The following HYLS1 variants were observed in gnomAD, a reference collection of about 807,000 sequenced individuals.
The protein encoded by HYLS1 is HYLS1 centriolar and ciliogenesis associated.
Under a neutral mutation model 29.4 loss-of-function variants are expected in HYLS1, and 25 were observed. The ratio of observed to expected loss-of-function variants is 0.85; its 90% CI spans 0.62 to 1.19. The LOEUF (loss-of-function observed/expected upper bound fraction) is 1.19, where lower values mean the gene tolerates loss of function less well. HYLS1 is among the 50% of genes most tolerant of loss of function. HYLS1 has a pLI of 0.00. For missense variants in HYLS1, 352 were observed against 365.1 expected, an observed-to-expected ratio of 0.96 and a Z score of 0.29; for synonymous variants, 128 against 126.7, an observed-to-expected ratio of 1.01 and a Z score of -0.07.
At chr11:125,885,735 T>C (rs1390742521), upstream of HYLS1, among the ~76,000 whole-genome samples, 1 of 152,240 alleles carries the variant, frequency 6.6e-6, no homozygotes, top group Non-Finnish European at 1.5e-5. Flanking sequence ...GGGTAAGCCG[T>C]AGGAGCTTCA....
At chr11:125,884,406 G>T (rs985222643), upstream of HYLS1, among the ~76,000 whole-genome samples, 1 of 149,734 alleles carries the variant, frequency 6.7e-6, no homozygotes, top group Non-Finnish European at 1.5e-5. Flanking sequence ...TCAGGAGATC[G>T]AGACCATCCT....
chr11:125,900,329 T>A lies in HYLS1; in HGVS notation c.*61T>A, dbSNP rs1565458252. ...TAACCTAGCTCTTTATATCTTCCCT[T>A]TTAAATAGAAACAACTGTCTTGAGA... On this transcript the variant is annotated 3_prime_UTR_variant, in exon 3 of 3. Transcript: ENST00000425380. 5 of 1,503,568 alleles carry A rather than the reference T, an allele frequency of 3.3e-6. No homozygotes were observed. Among genetic ancestry groups the A allele is most frequent in the Non-Finnish European group, 4.6e-6 (5 of 1,082,028 alleles). 93.1% of individuals were successfully genotyped at this position (1,503,568 alleles called of 1,614,324 possible). A position where few individuals can be genotyped will look rare whatever the true frequency, so the allele number is the denominator to read the frequency against.
intron 1 of HYLS1, among the ~76,000 whole-genome samples, chr11:125,888,775 A>G (rs1410429580): frequency 8.3e-6 from 1 of 120,730 alleles, no homozygotes; most frequent in African/African-American, 2.8e-5. Flanking sequence ...GTCTCAAAAA[A>G]AAAAAAAAAA....
intron 1 of HYLS1, among the ~76,000 whole-genome samples, chr11:125,890,525 T>C (rs1428422765): frequency 1.3e-5 from 2 of 152,242 alleles, no homozygotes; most frequent in Non-Finnish European, 2.9e-5. Flanking sequence ...ATAGCCTCCC[T>C]ATAGCAGTCT....
intron 2 of HYLS1, among the ~76,000 whole-genome samples, chr11:125,897,753 T>G (rs556994796): frequency 1.3e-5 from 2 of 152,230 alleles, no homozygotes; most frequent in Non-Finnish European, 2.9e-5. Context: ...GCTCTATTAA[T>G]GTATGGTCAG....
At chr11:125,891,901 C>T (rs1321916752) in intron 2 of HYLS1, among the ~76,000 whole-genome samples, 1 of 152,168 alleles carries the variant, frequency 6.6e-6, no homozygotes, top group African/African-American at 2.4e-5. Context: ...GTCCACCCCC[C>T]TTCTGTAGCA....
chr11:125,899,169 C>A, intron 2 of HYLS1, 175 bp from the exon 3 acceptor site: 1 of 582,186 alleles, frequency 1.7e-6, no homozygotes, highest in Non-Finnish European at 3.0e-6. Context: ...GTAATAGATT[C>A]CCTAGAACTG....
chr11:125,896,125 C>T lies in HYLS1; in HGVS notation c.-25-3219C>T, dbSNP rs757888463. ...CGGCCATGAGCACTGAAATCAAATG[C>T]ACGCTTAGTTTTTCCAGCTCCTGCT... On this transcript the variant is annotated intron_variant, in intron 2 of 2. Transcript: ENST00000425380. 4.3e-6 allele frequency: 7 copies of T among 1,614,198 alleles called. No homozygotes were observed. In the South Asian group the frequency reaches 7.7e-5, roughly 18 times the overall value.
At chr11:125,892,998 T>C (rs753857092) in intron 2 of HYLS1, among the ~76,000 whole-genome samples, 10 of 152,242 alleles carry the variant, frequency 6.6e-5, no homozygotes, top group Non-Finnish European at 1.3e-4. Flanking sequence ...ATCTTCTGAC[T>C]TAGACACATT....
At chr11:125,895,185 C>T (rs1192792849) in intron 2 of HYLS1, 1 of 1,497,500 alleles carries the variant, frequency 6.7e-7, no homozygotes, top group Non-Finnish European at 8.9e-7. Flanking sequence ...GTAGCTGGGA[C>T]TACAGGCATG....
chr11:125,888,576 C>T (rs1388168155), intron 1 of HYLS1, among the ~76,000 whole-genome samples: 1 of 151,698 alleles, frequency 6.6e-6, no homozygotes, highest in Non-Finnish European at 1.5e-5. Context: ...CGAGACCAGC[C>T]CGACCAATAC....
At chr11:125,886,601 T>TTTTTTTTA (rs1944309008), upstream of HYLS1, among the ~76,000 whole-genome samples, 1 of 108,622 alleles carries the variant, frequency 9.2e-6, no homozygotes, top group African/African-American at 3.6e-5. Flanking sequence ...TTTTTTTTTT[T>TTTTTTTTA]ACAGGTACAG....
chr11:125,885,382 T>G (rs907210199), upstream of HYLS1, among the ~76,000 whole-genome samples: 8 of 151,720 alleles, frequency 5.3e-5, no homozygotes, highest in Non-Finnish European at 1.0e-4. Flanking sequence ...ACCTGGGAGG[T>G]GGAGGTTGCA....
Position 125,899,923 on chromosome 11 carries a change from C to G in HYLS1, c.555C>G (p.Asp185Glu). 1 of 1,614,174 alleles carries G rather than the reference C, an allele frequency of 6.2e-7. No individual in the cohort carries two copies. Among genetic ancestry groups the G allele is most frequent in the Non-Finnish European group, 8.5e-7 (1 of 1,180,028 alleles). ...TGGGCTCTCCAGCTTACGAACAAGA[C>G]CTGATTGTTGCCAGCAGACCCAAGT... ...EGMGSPAYEQ[D>E]LIVASRPKSF... Residue 185 changes from aspartate to glutamate, a missense_variant, in exon 3 of 3, where the codon GAC (aspartate) becomes GAG (glutamate). Asp to Glu is a conservative substitution (Grantham distance 45). Coordinates refer to ENST00000425380, the MANE Select transcript of HYLS1 (RefSeq NM_001134793.2).
upstream of HYLS1, among the ~76,000 whole-genome samples, chr11:125,884,402 G>A (rs1242682317): frequency 1.3e-5 from 2 of 151,948 alleles, no homozygotes; most frequent in East Asian, 1.9e-4. Flanking sequence ...AAGGTCAGGA[G>A]ATCGAGACCA....
chr11:125,896,411 A>G, intron 2 of HYLS1: 1 of 959,092 alleles, frequency 1.0e-6, no homozygotes, highest in Non-Finnish European at 1.5e-6. Flanking sequence ...GATTTAATTT[A>G]ATGCCCAAAG....
Position 125,895,427 on chromosome 11 carries a change from C to G in HYLS1, c.-25-3917C>G, listed in dbSNP as rs1374981103. ...CCTCACCTGGGCTCTGGCCCACTAG[C>G]TGTACTTGAGCAGATAGAATAGTCC... On this transcript the variant is annotated intron_variant, in intron 2 of 2. Transcript: ENST00000425380. 1.9e-6 allele frequency: 3 copies of G among 1,613,988 alleles called. No homozygotes were observed. Among genetic ancestry groups the G allele is most frequent in the Middle Eastern group, 3.3e-4 (2 of 6,062 alleles).
In HYLS1 at chr11:125,895,353, T is replaced by C. The variant is rs769994818; in HGVS notation, c.-26+3881T>C. On this transcript the variant is annotated intron_variant, in intron 2 of 2. Transcript: ENST00000425380. Reference sequence around the variant, plus strand: ...TCGGACTTGATGATAAAGGAATGCCTGGCCAGTCACTTCAAACTGACATAA... The same window carrying C: ...TCGGACTTGATGATAAAGGAATGCCCGGCCAGTCACTTCAAACTGACATAA... 1.3e-5 allele frequency: 21 copies of C among 1,614,118 alleles called. No homozygotes were observed. In the Admixed American group the frequency reaches 2.7e-4, roughly 20 times the overall value.
At chr11:125,896,021 G>A (rs1397338966) in intron 2 of HYLS1, 1 of 1,614,132 alleles carries the variant, frequency 6.2e-7, no homozygotes. Context: ...TCTCTTCAAT[G>A]GTATTATTTG....
Sources: gnomAD v4.1 joint callset for allele counts (sites outside exome capture counted in the v4.1 genomes callset) on GRCh38, gnomAD v4.1.1 for gene constraint, MANE v1.5 for transcripts, NCBI Gene and HGNC (gene_info 2026-07-23, HGNC 2026-07-21) for gene names.